CMYA5: variants seen among roughly 807,000 people sequenced by gnomAD.
CMYA5 encodes the protein cardiomyopathy associated 5.
Under a neutral mutation model 318.9 loss-of-function variants are expected in CMYA5, and 246 were observed. The observed-to-expected ratio is 0.77, with a 90% CI of 0.70 to 0.86. CMYA5 has a LOEUF of 0.86. Ranked by LOEUF, CMYA5 falls within the 40% of genes least tolerant of loss-of-function variation. CMYA5 has a pLI of 0.00. For missense variants in CMYA5, 4,589 were observed against 4,678.2 expected (o/e 0.98, Z 0.56); for synonymous variants, 1,641 against 1,729.5 (o/e 0.95, Z 1.27).
In CMYA5 at chr5:79,737,592, GC is replaced by G. The variant is rs754006550; in HGVS notation, c.8829del (p.Phe2944LeufsTer11). ...PAGLSEDQKT[A>X]FSIISEGCEI... Reference sequence around the variant, plus strand: ...CGGACTTTCAGAAGATCAGAAGACTGCCTTTAGTATCATTTCTGAAGGCTGT... The same window carrying G: ...CGGACTTTCAGAAGATCAGAAGACTGCTTTAGTATCATTTCTGAAGGCTGT... On this transcript the variant is annotated frameshift_variant, in exon 2 of 13. Transcript: ENST00000446378. LOFTEE classifies it high-confidence loss of function. 1 of 1,613,678 alleles carries G rather than the reference GC, an allele frequency of 6.2e-7. No homozygotes were observed. Among genetic ancestry groups the G allele is most frequent in the Non-Finnish European group, 8.5e-7 (1 of 1,179,792 alleles).
At chr5:79,761,654 C>T (rs259126) in intron 7 of CMYA5, among the ~76,000 whole-genome samples, 157 bp from the exon 8 acceptor site, 32,400 of 152,048 alleles carry the variant, frequency 0.21, 3,659 homozygotes, top group East Asian at 0.35. Context: ...GTTGCTTTCA[C>T]ATGTATTCTA....
intron 1 of CMYA5, among the ~76,000 whole-genome samples, chr5:79,691,381 C>T (rs1193515339): frequency 6.6e-6 from 1 of 152,198 alleles, no homozygotes; most frequent in Admixed American, 6.5e-5. Flanking sequence ...AATTTACAAC[C>T]AAGAGAATCT....
chr5:79,708,850 G>T (rs62363669), intron 1 of CMYA5, among the ~76,000 whole-genome samples: 34,222 of 151,918 alleles, frequency 0.23, 4,113 homozygotes, highest in Admixed American at 0.35. Context: ...ACAAGAATCG[G>T]TTGAACCTGG....
Position 79,747,123 on chromosome 5 carries a change from A to C in CMYA5, c.10991+10A>C. 6.5e-7 allele frequency: 1 copy of C among 1,547,496 alleles called. No individual in the cohort carries two copies. The highest frequency in any genetic ancestry group is 8.7e-7 in the Non-Finnish European group (1 of 1,144,758). ...AGGAAATCAATGAAAGGTATATAAA[A>C]CATGATACAATGTAGTGGCAAACAG... On this transcript the variant is annotated intron_variant, in intron 5 of 12. Coordinates refer to ENST00000446378, the MANE Select transcript of CMYA5 (RefSeq NM_153610.5).
At chr5:79,775,953 T>C (rs1328585820) in intron 9 of CMYA5, among the ~76,000 whole-genome samples, 2 of 152,084 alleles carry the variant, frequency 1.3e-5, no homozygotes, top group East Asian at 3.9e-4. Context: ...CTTTGGAGGG[T>C]AACTATAGAG....
intron 2 of CMYA5, among the ~76,000 whole-genome samples, chr5:79,740,898 T>C (rs1226631062): frequency 6.6e-6 from 1 of 152,148 alleles, no homozygotes; most frequent in Non-Finnish European, 1.5e-5. Context: ...AGACAGAGTC[T>C]CCCTGTGTCA....
chr5:79,730,614 C>G lies in CMYA5; in HGVS notation c.1849C>G (p.Pro617Ala), dbSNP rs1309523152. ...ELQEQEGEPV[P>A]PSNVEAIAEH... ...ACAGGAGCAAGAAGGTGAGCCAGTT[C>G]CCCCATCCAATGTAGAAGCTATAGC... The change falls in exon 2 of 13, where the codon CCC becomes GCC. Residue 617 changes from proline (P) to alanine (A), a missense_variant. Transcript: ENST00000446378. 1 of 1,613,962 alleles carries G rather than the reference C, an allele frequency of 6.2e-7. No individual in the cohort carries two copies.
intron 1 of CMYA5, among the ~76,000 whole-genome samples, chr5:79,702,312 A>G (rs1827188830): frequency 6.6e-6 from 1 of 152,080 alleles, no homozygotes; most frequent in Non-Finnish European, 1.5e-5. Flanking sequence ...GCTTAAGCCC[A>G]GAAGTTTGAG....
intron 9 of CMYA5, among the ~76,000 whole-genome samples, chr5:79,765,392 C>G (rs1350835827): frequency 6.6e-6 from 1 of 152,104 alleles, no homozygotes; most frequent in Non-Finnish European, 1.5e-5. Context: ...GTTACTGTAG[C>G]CTTGTAGTAT....
Position 79,758,879 on chromosome 5 carries a change from C to A in CMYA5, c.11237C>A (p.Pro3746Gln). Residue 3746 changes from proline (P) to glutamine (Q), a missense_variant, in exon 7 of 13, where the codon CCA (proline) becomes CAA (glutamine). Around this residue, in one of 3 missense-constraint regions of CMYA5, gnomAD observed 2,431 missense variants for 2,495.1 expected, o/e 0.97. Coordinates refer to ENST00000446378, the MANE Select transcript of CMYA5 (RefSeq NM_153610.5). ...TTTCAGGTTTACTGCATGGAGGAGC[C>A]ACAAGATGATCAAGAAGTAAATGGT... ...DSFQVYCMEE[P>Q]QDDQEVNELV... 2 of 1,589,568 alleles carry A rather than the reference C, an allele frequency of 1.3e-6. No individual in the cohort carries two copies. Among genetic ancestry groups the A allele is most frequent in the Non-Finnish European group, 1.7e-6 (2 of 1,168,528 alleles).
Position 79,733,612 on chromosome 5 carries a change from C to T in CMYA5, c.4847C>T (p.Ala1616Val). 6.2e-7 allele frequency: 1 copy of T among 1,613,488 alleles called. No individual in the cohort carries two copies. The highest frequency in any genetic ancestry group is 8.5e-7 in the Non-Finnish European group (1 of 1,179,750). ...FPSEKQDVAL[A>V]ELSLEPEKKD... ...TCAGAAAAACAAGATGTTGCTTTGG[C>T]AGAGCTGTCTTTGGAACCTGAGAAG... The change falls in exon 2 of 13, where the codon GCA (alanine) becomes GTA (valine). Residue 1616 changes from alanine (A) to valine (V), a missense_variant. Around this residue, in one of 3 missense-constraint regions of CMYA5, gnomAD observed 2,132 missense variants for 2,131.3 expected, o/e 1.00. Coordinates refer to ENST00000446378, the MANE Select transcript of CMYA5 (RefSeq NM_153610.5).
intron 1 of CMYA5, among the ~76,000 whole-genome samples, chr5:79,713,308 C>T (rs889235268): frequency 1.5e-5 from 2 of 131,382 alleles, no homozygotes; most frequent in South Asian, 3.1e-4. Context: ...CCCCCACCCC[C>T]CACCCGCCGT....
At chr5:79,712,577 A>G (rs558254168) in intron 1 of CMYA5, among the ~76,000 whole-genome samples, 1 of 152,226 alleles carries the variant, frequency 6.6e-6, no homozygotes, top group African/African-American at 2.4e-5. Flanking sequence ...TATATTAGGT[A>G]TATGGACAAA....
intron 1 of CMYA5, among the ~76,000 whole-genome samples, chr5:79,710,288 C>T (rs61359573): frequency 0.074 from 11,221 of 151,952 alleles, 487 homozygotes; most frequent in East Asian, 0.16. Flanking sequence ...GTTATTATTA[C>T]GATTTTTAGA....
At chr5:79,710,173 T>G (rs919134066) in intron 1 of CMYA5, among the ~76,000 whole-genome samples, 5 of 152,016 alleles carry the variant, frequency 3.3e-5, no homozygotes, top group Admixed American at 1.3e-4. Flanking sequence ...TTAAAAGATT[T>G]GCAAAAATAT....
chr5:79,698,153 A>G (rs1037053175), intron 1 of CMYA5, among the ~76,000 whole-genome samples: 4 of 152,072 alleles, frequency 2.6e-5, no homozygotes, highest in Non-Finnish European at 5.9e-5. Context: ...TTTTCTGTTT[A>G]TTTATTTTTT....
At chr5:79,721,637 A>C (rs1255628417) in intron 1 of CMYA5, among the ~76,000 whole-genome samples, 1 of 152,222 alleles carries the variant, frequency 6.6e-6, no homozygotes, top group Non-Finnish European at 1.5e-5. Flanking sequence ...TAATGCAAAC[A>C]TTAACCAAAA....
In CMYA5 at chr5:79,731,379, C is replaced by T. The variant is rs1310455462; in HGVS notation, c.2614C>T (p.Leu872Phe). The change falls in exon 2 of 13, where the codon CTT becomes TTT. Residue 872 changes from leucine to phenylalanine, a missense_variant. Leu to Phe is a conservative substitution (Grantham distance 22). This residue lies in a region of CMYA5 where 2,132 missense variants were observed against 2,131.3 expected (regional missense o/e 1.00). Transcript: ENST00000446378. ...EMTSECQAPPLSATPSEYVVL... is the reference protein window; with the variant it reads ...EMTSECQAPPFSATPSEYVVL... ...GACTTCTGAATGCCAGGCCCCACCA[C>T]TTTCAGCCACCCCATCTGAATATGT... The T allele has an allele frequency of 3.1e-6, 5 of 1,613,874 alleles. No homozygotes were observed. In the Admixed American group the frequency reaches 8.3e-5, roughly 27 times the overall value.
intron 1 of CMYA5, among the ~76,000 whole-genome samples, chr5:79,720,427 AATTTTT>A (rs61350928): frequency 0.35 from 47,300 of 135,848 alleles, 7,324 homozygotes; most frequent in African/African-American, 0.42. Flanking sequence ...CTGCCAATCT[AATTTTT>A]TTTTTTTTTT....
Sources: gnomAD v4.1 joint callset for allele counts (sites outside exome capture counted in the v4.1 genomes callset) on GRCh38, gnomAD v4.1.1 for gene constraint, gnomAD v4.1.1 regional missense constraint, MANE v1.5 for transcripts, NCBI Gene and HGNC (gene_info 2026-07-23, HGNC 2026-07-21) for gene names.